USP49: variants seen among roughly 807,000 people sequenced by gnomAD.
USP49 encodes the protein ubiquitin carboxyl-terminal hydrolase 49.
A neutral mutation model predicts 58.6 loss-of-function variants in USP49; 24 were observed. The observed-to-expected ratio is 0.41, with a 90% CI of 0.30 to 0.58. USP49 has a LOEUF of 0.58. Ranked by LOEUF, USP49 falls within the 20% of genes least tolerant of loss-of-function variation. The pLI, the probability that USP49 is intolerant of heterozygous loss-of-function variation, is 0.30. For synonymous variants in USP49, 408 were observed against 365.1 expected (o/e 1.12, Z -1.34); for missense variants, 703 against 866.1 (o/e 0.81, Z 2.36).
intron 3 of USP49, among the ~76,000 whole-genome samples, chr6:41,858,085 G>C (rs1439365779): frequency 6.6e-6 from 1 of 152,034 alleles, no homozygotes; most frequent in Non-Finnish European, 1.5e-5. Flanking sequence ...GTATCCTAAG[G>C]GCTCCATCCA....
chr6:41,842,250 A>G (rs560310174), intron 3 of USP49, among the ~76,000 whole-genome samples: 30 of 151,064 alleles, frequency 2.0e-4, no homozygotes, highest in African/African-American at 6.3e-4. Flanking sequence ...GCTCACACCT[A>G]TAGTCCCAGC....
At chr6:41,841,804 C>A (rs1469622820) in intron 3 of USP49, among the ~76,000 whole-genome samples, 3 of 152,198 alleles carry the variant, frequency 2.0e-5, no homozygotes, top group Non-Finnish European at 4.4e-5. Flanking sequence ...CTCCTGTAAT[C>A]CCAGCACTTC....
At position 41,862,872 on chromosome 6, in the gene USP49, C is replaced by A. The variant is rs553604695; in HGVS notation, c.-29+8692G>T. On this transcript the variant is annotated intron_variant, in intron 3 of 7. Coordinates refer to ENST00000682992, the MANE Select transcript of USP49 (RefSeq NM_001286554.2). The stretch of plus-strand genomic sequence containing the variant: ...CACTGCAACCTCCACCTCCCAGGTT[C>A]CAGCAATTTTCATGCCTCAGCCTCC... Among the ~76,000 whole-genome samples the A allele has an allele frequency of 4.4e-3, 669 of 152,202 alleles. 4 individuals carry two copies. The highest frequency in any genetic ancestry group is 0.015 in the African/African-American group (627 of 41,510).
chr6:41,865,187 G>T (rs567158370), intron 3 of USP49, among the ~76,000 whole-genome samples: 4 of 152,062 alleles, frequency 2.6e-5, no homozygotes, highest in Non-Finnish European at 4.4e-5. Flanking sequence ...TAGGATTACA[G>T]GCACCCGCCA....
At chr6:41,867,511 A>G (rs1416832909) in intron 3 of USP49, among the ~76,000 whole-genome samples, 1 of 149,936 alleles carries the variant, frequency 6.7e-6, no homozygotes, top group Admixed American at 6.7e-5. Flanking sequence ...TGGGAGGCTG[A>G]GGCAGGTGGA....
intron 3 of USP49, among the ~76,000 whole-genome samples, chr6:41,824,589 C>A (rs573420797): frequency 6.6e-6 from 1 of 152,072 alleles, no homozygotes; most frequent in East Asian, 1.9e-4. Context: ...GCCTGTAATC[C>A]CAGCTACTCG....
In USP49 at chr6:41,797,681, G is replaced by A. The variant is rs16895020; in HGVS notation, c.1877-958C>T. The A allele has an allele frequency of 2.6e-3, 2,516 of 985,870 alleles. 30 individuals are homozygous for A. The African/African-American group carries it at 0.034, about 13-fold the overall frequency. 61.1% of individuals were successfully genotyped at this position (985,870 alleles called of 1,614,324 possible). ...GGCTTTATTATAAGCTGCGGCTAGT[G>A]AGATTCATACAATATCTCCTTGAGG... On this transcript the variant is annotated intron_variant, in intron 7 of 7. Coordinates refer to ENST00000682992, the MANE Select transcript of USP49 (RefSeq NM_001286554.2).
chr6:41,839,662 T>G (rs1029332227), intron 3 of USP49, among the ~76,000 whole-genome samples: 2 of 151,864 alleles, frequency 1.3e-5, no homozygotes, highest in African/African-American at 4.8e-5. Context: ...TACTACTCAG[T>G]CATAAAAAGG....
At position 41,806,375 on chromosome 6, in the gene USP49, G is replaced by A. The variant is rs964431718; in HGVS notation, c.609C>T (p.Thr203=). The stretch of plus-strand genomic sequence containing the variant: ...GCAGCCGTGCACTCTTGCGCGGAGG[G>A]GTGCTGGCCAGCTCCTCCAGCAGCC... ...KRRLLEELAS[T]PPRKSARLLL... Residue 203 remains threonine (T), a synonymous_variant, in exon 4 of 8, where the codon ACC becomes ACT. Transcript: ENST00000682992. This position sits in a 1 kb window ranked among gnomAD's most constrained non-coding sequence, Gnocchi z 5.9. 5.2e-6 allele frequency: 8 copies of A among 1,539,804 alleles called. No homozygotes were observed. Among genetic ancestry groups the A allele is most frequent in the Middle Eastern group, 2.0e-4 (1 of 5,096 alleles).
chr6:41,884,592 C>G (rs1477902204), intron 2 of USP49, among the ~76,000 whole-genome samples: 2 of 152,106 alleles, frequency 1.3e-5, no homozygotes, highest in Non-Finnish European at 2.9e-5. Context: ...GAACAGAAGG[C>G]CTTTGTACAC....
chr6:41,802,075 CTCTG>C lies in USP49; in HGVS notation c.1561+1727_1561+1730del, dbSNP rs1773008638. Among the ~76,000 whole-genome samples, 4 of 149,900 alleles carry C rather than the reference CTCTG, an allele frequency of 2.7e-5. No individual in the cohort carries two copies. In the South Asian group the frequency reaches 8.3e-4, roughly 31 times the overall value. On this transcript the variant is annotated intron_variant, in intron 5 of 7. Transcript: ENST00000682992. The stretch of plus-strand genomic sequence containing the variant: ...TAATGAAACAATTTGATTCACCTGA[CTCTG>C]TATCTCAAAATGGAACAGGATAGGT...
intron 2 of USP49, among the ~76,000 whole-genome samples, chr6:41,883,138 T>G (rs192507013): frequency 2.1e-3 from 315 of 151,948 alleles, no homozygotes; most frequent in Non-Finnish European, 3.4e-3. Flanking sequence ...CACTGGTAAC[T>G]AGAAATAAAA....
Position 41,869,872 on chromosome 6 carries a change from T to C in USP49, c.-29+1692A>G, listed in dbSNP as rs369485093. On this transcript the variant is annotated intron_variant, in intron 3 of 7. Transcript: ENST00000682992. ...CAGGCAAGATGAACCTATGTTAGGC[T>C]GAAGATAGTTGTTTATTCATATATA... is the stretch of plus-strand genomic sequence containing the variant. The C allele has an allele frequency of 7.9e-5, 12 of 152,322 alleles. No individual in the cohort carries two copies. In the South Asian group the frequency reaches 1.2e-3, roughly 16 times the overall value. 9.4% of individuals were successfully genotyped at this position (152,322 alleles called of 1,614,324 possible).
chr6:41,803,774 C>T lies in USP49; in HGVS notation c.1561+32G>A. ...AAACTGATATTCCAATTATTCTTCC[C>T]CACTACGCCCCCTCCTCCACACAGC... On this transcript the variant is annotated intron_variant, in intron 5 of 7. Transcript: ENST00000682992. This position sits in a 1 kb window ranked among gnomAD's most constrained non-coding sequence, Gnocchi z 4.1. 1.2e-6 allele frequency: 2 copies of T among 1,609,952 alleles called. No homozygotes were observed. The highest frequency in any genetic ancestry group is 1.1e-5 in the South Asian group (1 of 90,926).
Position 41,799,925 on chromosome 6 carries a change from T to C in USP49, c.1575A>G (p.Lys525=), listed in dbSNP as rs1482288829. Residue 525 remains lysine (K), a synonymous_variant, in exon 6 of 8, where the codon AAA becomes AAG. Coordinates refer to ENST00000682992, the MANE Select transcript of USP49 (RefSeq NM_001286554.2). ...ACDQCNSKRR[K]SNPKPLVLSE... is the part of the protein sequence containing the mutation. ...TCAGAACAAGGGGTTTGGGATTGGA[T>C]TTTCGTCGTTTGCCTATGTGGTTTG... 6.2e-7 allele frequency: 1 copy of C among 1,614,026 alleles called. No homozygotes were observed. The highest frequency in any genetic ancestry group is 8.5e-7 in the Non-Finnish European group (1 of 1,179,934).
At chr6:41,835,248 T>G (rs187832592) in intron 3 of USP49, among the ~76,000 whole-genome samples, 1 of 152,232 alleles carries the variant, frequency 6.6e-6, no homozygotes, top group East Asian at 1.9e-4. Context: ...ACATTTAGCA[T>G]GCAAAGGAGT....
In USP49 at chr6:41,819,351, T is replaced by TC. The variant is rs2127333226; in HGVS notation, c.-28-12341_-28-12340insG. Among the ~76,000 whole-genome samples the TC allele has an allele frequency of 1.3e-5, 2 of 152,220 alleles. 1 individual carries two copies. The highest frequency in any genetic ancestry group is 4.8e-5 in the African/African-American group (2 of 41,536). ...CATGGGAAAATTTTATCCCTACCAC[T>TC]GAGAGAATCAGGATTTACCCTTCTA... On this transcript the variant is annotated intron_variant, in intron 3 of 7. Transcript: ENST00000682992.
At chr6:41,890,081 TGTTA>T (rs1013478352) in intron 2 of USP49, among the ~76,000 whole-genome samples, 3 of 152,182 alleles carry the variant, frequency 2.0e-5, no homozygotes, top group Non-Finnish European at 2.9e-5. Flanking sequence ...ACTCAGTAAT[TGTTA>T]ATTATTTTTT....
Position 41,803,749 on chromosome 6 carries a change from A to C in USP49, c.1561+57T>G. 3 of 1,582,776 alleles carry C rather than the reference A, an allele frequency of 1.9e-6. No homozygotes were observed. Among genetic ancestry groups the C allele is most frequent in the Non-Finnish European group, 2.6e-6 (3 of 1,152,896 alleles). Reference sequence around the variant, plus strand: ...ACTAAAGAGGACAAAGCAGCACCTTAAACTGATATTCCAATTATTCTTCCC... The same window carrying C: ...ACTAAAGAGGACAAAGCAGCACCTTCAACTGATATTCCAATTATTCTTCCC... On this transcript the variant is annotated intron_variant, in intron 5 of 7. Transcript: ENST00000682992. The surrounding 1 kb of genome is among the most constrained non-coding windows in gnomAD (Gnocchi z 4.1).
Sources: allele counts gnomAD v4.1 joint callset (sites outside exome capture counted in the v4.1 genomes callset), GRCh38; gene constraint gnomAD v4.1.1; non-coding constraint Gnocchi (gnomAD v3.1); transcripts MANE v1.5; gene names NCBI Gene and HGNC (gene_info 2026-07-23, HGNC 2026-07-21).